CCDC77: variants seen among roughly 807,000 people sequenced by gnomAD.
CCDC77 encodes the protein coiled-coil domain containing 77.
A neutral mutation model predicts 66.8 loss-of-function variants in CCDC77; 56 were observed. The ratio of observed to expected loss-of-function variants is 0.84; its 90% CI spans 0.68 to 1.05. CCDC77 has a LOEUF of 1.05. Ranked by LOEUF, CCDC77 falls within the 50% of genes least tolerant of loss-of-function variation. CCDC77 has a pLI of 0.00. For synonymous variants in CCDC77, 196 were observed against 195.2 expected (o/e 1.00, Z -0.03); for missense variants, 570 against 576.8 (o/e 0.99, Z 0.12).
At chr12:414,804 C>A (rs1448670893) in intron 4 of CCDC77, among the ~76,000 whole-genome samples, 1 of 152,140 alleles carries the variant, frequency 6.6e-6, no homozygotes, top group Non-Finnish European at 1.5e-5. Context: ...TCCATTCCCA[C>A]ACCCACCTCA....
intron 9 of CCDC77, 37 bp from the exon 10 acceptor site, chr12:438,298 C>T (rs375056004): frequency 1.1e-4 from 159 of 1,386,364 alleles, no homozygotes; most frequent in Non-Finnish European, 1.5e-4. Context: ...GTGCTGTGTG[C>T]GCATCCTCAT....
intron 8 of CCDC77, 22 bp downstream of exon 8, chr12:431,976 AC>A (rs1945661059): frequency 6.7e-7 from 1 of 1,501,760 alleles, no homozygotes; most frequent in Non-Finnish European, 9.2e-7. Flanking sequence ...ATTTTGGCAG[AC>A]CAAGATGGCT....
intron 1 of CCDC77, among the ~76,000 whole-genome samples, chr12:392,814 A>G (rs1944774105): frequency 1.3e-5 from 2 of 152,240 alleles, no homozygotes; most frequent in African/African-American, 4.8e-5. Context: ...GATGTTTACT[A>G]TATTAGAAAT....
At chr12:409,059 G>A (rs991150976) in intron 2 of CCDC77, among the ~76,000 whole-genome samples, 26 of 151,922 alleles carry the variant, frequency 1.7e-4, no homozygotes, top group African/African-American at 5.1e-4. Flanking sequence ...ACAAAAATTC[G>A]CCAGGCGTAG....
At chr12:423,501 T>TTTTTTTTTTTG (rs1945471831) in intron 5 of CCDC77, among the ~76,000 whole-genome samples, 1 of 103,138 alleles carries the variant, frequency 9.7e-6, no homozygotes, top group Non-Finnish European at 1.9e-5. Context: ...TTTGTTTTTT[T>TTTTTTTTTTTG]TTTTTTTTTT....
intron 3 of CCDC77, 57 bp downstream of exon 3, chr12:409,478 T>C (rs1945064874): frequency 6.1e-6 from 9 of 1,466,024 alleles, no homozygotes; most frequent in Non-Finnish European, 7.6e-6. Context: ...ATAGCCTTAG[T>C]CTAAGCATAG....
chr12:434,316 G>T (rs534977209), intron 9 of CCDC77, among the ~76,000 whole-genome samples: 1 of 151,368 alleles, frequency 6.6e-6, no homozygotes, highest in African/African-American at 2.4e-5. Context: ...CCCTTTCTGG[G>T]GTTCTGGGGT....
intron 4 of CCDC77, among the ~76,000 whole-genome samples, chr12:418,222 G>A (rs1237161885): frequency 1.3e-4 from 19 of 151,908 alleles, no homozygotes; most frequent in African/African-American, 3.9e-4. Context: ...GGGAGGCTGA[G>A]GCACAAGAAT....
intron 3 of CCDC77, among the ~76,000 whole-genome samples, chr12:409,997 CAA>C (rs1263986778): frequency 2.6e-4 from 25 of 95,924 alleles, no homozygotes; most frequent in Admixed American, 4.5e-4. Context: ...GACTCCATCT[CAA>C]AAAAAAAAAA....
intron 2 of CCDC77, among the ~76,000 whole-genome samples, chr12:406,636 A>T (rs936153711): frequency 2.0e-5 from 3 of 152,140 alleles, no homozygotes; most frequent in African/African-American, 7.2e-5. Context: ...AATACATTAT[A>T]AGGGATGAGG....
In CCDC77 at chr12:438,402, C is replaced by A; in HGVS notation, c.889C>A (p.Gln297Lys). Reference protein sequence around the residue: ...KDFLQLRSENQNKEKSWMLEK... With the variant: ...KDFLQLRSENKNKEKSWMLEK... ...TTTTCTGCAACTCAGATCTGAAAAC[C>A]AAAATAAAGAGAAGTCATGGATGCT... Residue 297 changes from glutamine (Q) to lysine (K), a missense_variant, in exon 10 of 13, where the codon CAA (glutamine) becomes AAA (lysine). Physicochemically the swap from Gln to Lys is moderately conservative, Grantham distance 53. Coordinates refer to ENST00000239830, the MANE Select transcript of CCDC77 (RefSeq NM_032358.4). 6.2e-7 allele frequency: 1 copy of A among 1,613,804 alleles called. No individual in the cohort carries two copies. The highest frequency in any genetic ancestry group is 1.1e-5 in the South Asian group (1 of 91,052).
At chr12:409,329 T>C (rs1358206209) in intron 2 of CCDC77, 39 bp from the exon 3 acceptor site, 5 of 1,471,420 alleles carry the variant, frequency 3.4e-6, no homozygotes, top group South Asian at 1.1e-5. Context: ...TATTTTTCTA[T>C]TCGTGGCCCG....
chr12:416,639 C>T (rs918398296), intron 4 of CCDC77, among the ~76,000 whole-genome samples: 12 of 149,866 alleles, frequency 8.0e-5, no homozygotes, highest in Non-Finnish European at 1.0e-4. Context: ...GTCTTGAACT[C>T]GTGGCCTCAA....
chr12:429,061 T>C (rs1457752564), intron 6 of CCDC77, among the ~76,000 whole-genome samples, 196 bp downstream of exon 6: 2 of 152,206 alleles, frequency 1.3e-5, no homozygotes, highest in East Asian at 3.8e-4. Context: ...CATTTCAATG[T>C]TTAGAAACCT....
At chr12:416,281 G>C (rs892722191) in intron 4 of CCDC77, among the ~76,000 whole-genome samples, 2 of 145,432 alleles carry the variant, frequency 1.4e-5, no homozygotes, top group African/African-American at 5.1e-5. Context: ...AATTTTAAGT[G>C]TTCAGTTGAG....
intron 12 of CCDC77, 101 bp downstream of exon 12, chr12:441,097 T>A: frequency 3.4e-6 from 4 of 1,190,148 alleles, no homozygotes; most frequent in African/African-American, 1.5e-5. Context: ...GTTTCCCTGC[T>A]GGTAAACACT....
upstream of CCDC77, among the ~76,000 whole-genome samples, chr12:398,811 C>T (rs1944861324): frequency 6.6e-6 from 1 of 151,520 alleles, no homozygotes; most frequent in Non-Finnish European, 1.5e-5. Flanking sequence ...TCAGGCTGGA[C>T]TGCAGTGGCA....
chr12:389,562 G>GGGGAGGCGGGGCGAGGCGGA (rs1944709108), intron 1 of CCDC77: 1 of 259,870 alleles, frequency 3.8e-6, no homozygotes, highest in Non-Finnish European at 7.1e-6. Flanking sequence ...GGCGAGGCGG[G>GGGGAGGCGGGGCGAGGCGGA]GCGAGGCGCA....
chr12:410,884 C>A (rs575450323), intron 3 of CCDC77, among the ~76,000 whole-genome samples: 3 of 152,286 alleles, frequency 2.0e-5, no homozygotes, highest in Admixed American at 1.3e-4. Flanking sequence ...CTAATTGTTA[C>A]TACATGGTCT....
Sources: allele counts gnomAD v4.1 joint callset (sites outside exome capture counted in the v4.1 genomes callset), GRCh38; gene constraint gnomAD v4.1.1; transcripts MANE v1.5; gene names NCBI Gene and HGNC (gene_info 2026-07-23, HGNC 2026-07-21).